The following ARHGAP42 variants were observed in gnomAD, a reference collection of about 807,000 sequenced individuals.
ARHGAP42 encodes Rho GTPase activating protein 42, also known as rho GTPase-activating protein 42.
Under a neutral mutation model 125.0 loss-of-function variants are expected in ARHGAP42, and 63 were observed. The observed-to-expected ratio is 0.50, with a 90% CI of 0.41 to 0.62. The LOEUF (loss-of-function observed/expected upper bound fraction) is 0.62, where lower values mean the gene tolerates loss of function less well. ARHGAP42 is among the 20% of genes least tolerant of loss of function. ARHGAP42 has a pLI of 0.00. For missense variants in ARHGAP42, 766 were observed against 1,024.2 expected, an observed-to-expected ratio of 0.75 and a Z score of 3.44; for synonymous variants, 339 against 351.0, an observed-to-expected ratio of 0.97 and a Z score of 0.38.
rs552385431 is a variant in ARHGAP42 at position 100,738,925 on chromosome 11, A to G, written c.155-31418A>G. On this transcript the variant is annotated intron_variant, in intron 1 of 23. Transcript: ENST00000298815. ...TTAATAGCATTCAAGCACAGAAGCA[A>G]TCAGGAGGCCACTCCTATTGGTAAA... Among the ~76,000 whole-genome samples the G allele has an allele frequency of 2.6e-4, 39 of 152,346 alleles. 1 individual carries two copies. Among genetic ancestry groups the G allele is most frequent in the South Asian group, 1.9e-3 (9 of 4,830 alleles).
intron 1 of ARHGAP42, among the ~76,000 whole-genome samples, chr11:100,757,673 T>A (rs1360357810): frequency 6.6e-6 from 1 of 152,194 alleles, no homozygotes; most frequent in Non-Finnish European, 1.5e-5. Context: ...TTTCAAAAAT[T>A]GCTTTAGTAT....
Position 100,915,255 on chromosome 11 carries a change from T to C in ARHGAP42, c.486+1702T>C, listed in dbSNP as rs746002181. Among the ~76,000 whole-genome samples, 6 of 152,182 alleles carry C rather than the reference T, an allele frequency of 3.9e-5. 1 individual carries two copies. Among genetic ancestry groups the C allele is most frequent in the Non-Finnish European group, 7.4e-5 (5 of 68,022 alleles). On this transcript the variant is annotated intron_variant, in intron 5 of 23. Transcript: ENST00000298815. Reference sequence around the variant, plus strand: ...CTATGTTTACATGTACCAAAATGTCTTAAGTGATATTAAGACCAAATGTCT... The same window carrying C: ...CTATGTTTACATGTACCAAAATGTCCTAAGTGATATTAAGACCAAATGTCT...
intron 1 of ARHGAP42, among the ~76,000 whole-genome samples, chr11:100,709,584 G>C (rs891653669): frequency 6.6e-6 from 1 of 152,176 alleles, no homozygotes; most frequent in Non-Finnish European, 1.5e-5. Context: ...GTGAGTAACT[G>C]AAATGGTGGA....
rs766919060 is a variant in ARHGAP42 at position 100,992,431 on chromosome 11, G to A, written c.*3630G>A. Reference sequence around the variant, plus strand: ...CCTTGACTAAAGGTTTCCCCTTAGGGTACACATTGCTATTTAACTTTGCCT... The same window carrying A: ...CCTTGACTAAAGGTTTCCCCTTAGGATACACATTGCTATTTAACTTTGCCT... On this transcript the variant is annotated 3_prime_UTR_variant, in exon 24 of 24. Transcript: ENST00000298815. 5 of 1,614,046 alleles carry A rather than the reference G, an allele frequency of 3.1e-6. No individual in the cohort carries two copies. The highest frequency in any genetic ancestry group is 3.4e-6 in the Non-Finnish European group (4 of 1,179,960).
Position 100,722,393 on chromosome 11 carries a change from CTT to C in ARHGAP42, c.154+34577_154+34578del, listed in dbSNP as rs199744764. ...GCAAAGTTTTAAAAAAAATTTATTA[CTT>C]TTTTTTTTTTTTTTTGAGACAGAGT... On this transcript the variant is annotated intron_variant, in intron 1 of 23. Coordinates refer to ENST00000298815, the MANE Select transcript of ARHGAP42 (RefSeq NM_152432.4). 6.7e-4 allele frequency among the ~76,000 whole-genome samples: 90 copies of C among 135,126 alleles called. 1 individual carries two copies. Among genetic ancestry groups the C allele is most frequent in the Middle Eastern group, 3.7e-3 (1 of 268 alleles). The allele number at this position is 135,126 out of a possible 152,430, so 88.6% of individuals were successfully genotyped here.
At chr11:100,802,426 T>TC (rs1863878295) in intron 3 of ARHGAP42, among the ~76,000 whole-genome samples, 2 of 131,582 alleles carry the variant, frequency 1.5e-5, no homozygotes, top group African/African-American at 5.9e-5. Flanking sequence ...CTTTCTTTCT[T>TC]TTTTTTTTTT....
At chr11:100,779,552 A>ATACATACGTATATATACGTATACG in intron 2 of ARHGAP42, among the ~76,000 whole-genome samples, 1 of 87,342 alleles carries the variant, frequency 1.1e-5, no homozygotes, top group Non-Finnish European at 2.3e-5. Flanking sequence ...ATATATATAC[A>ATACATACGTATATATACGTATACG]TATACATACG....
chr11:100,695,153 A>G (rs1288289425), intron 1 of ARHGAP42, among the ~76,000 whole-genome samples: 3 of 152,272 alleles, frequency 2.0e-5, no homozygotes, highest in African/African-American at 7.2e-5. Flanking sequence ...GTATAAGCGT[A>G]GCAACTTACA....
chr11:100,735,784 A>G (rs182450001), intron 1 of ARHGAP42, among the ~76,000 whole-genome samples: 31 of 151,440 alleles, frequency 2.0e-4, no homozygotes, highest in African/African-American at 7.5e-4. Flanking sequence ...AATTTTTTGC[A>G]TTTTTAGTAG....
chr11:100,729,398 G>C (rs1861917041), intron 1 of ARHGAP42, among the ~76,000 whole-genome samples: 1 of 152,062 alleles, frequency 6.6e-6, no homozygotes, highest in Non-Finnish European at 1.5e-5. Flanking sequence ...TAAAGCATAA[G>C]AAAACTGTGA....
intron 3 of ARHGAP42, among the ~76,000 whole-genome samples, chr11:100,814,624 C>T (rs764791089): frequency 1.1e-4 from 16 of 152,052 alleles, no homozygotes; most frequent in Admixed American, 9.2e-4. Context: ...ACAGTCATGG[C>T]GGAAGTGGAA....
intron 2 of ARHGAP42, among the ~76,000 whole-genome samples, chr11:100,783,264 C>T (rs1227753204): frequency 1.3e-5 from 2 of 152,072 alleles, no homozygotes; most frequent in African/African-American, 4.8e-5. Context: ...GGGGAAACTC[C>T]ATCTCTACTA....
chr11:100,928,035 A>G (rs562722027), intron 6 of ARHGAP42, among the ~76,000 whole-genome samples: 8 of 152,296 alleles, frequency 5.3e-5, no homozygotes, highest in Non-Finnish European at 8.8e-5. Flanking sequence ...CATTAGACTT[A>G]AAGCAATCTG....
chr11:100,881,813 A>G (rs1171108860), intron 4 of ARHGAP42, among the ~76,000 whole-genome samples: 1 of 151,324 alleles, frequency 6.6e-6, no homozygotes, highest in Non-Finnish European at 1.5e-5. Context: ...GTGTATTCCT[A>G]AGTTGTTTTG....
At chr11:100,887,675 C>G (rs954239238) in intron 4 of ARHGAP42, among the ~76,000 whole-genome samples, 22 of 152,154 alleles carry the variant, frequency 1.4e-4, no homozygotes, top group Non-Finnish European at 2.4e-4. Context: ...TCAGGATGAC[C>G]TTTTAACTCC....
Position 100,943,805 on chromosome 11 carries a change from G to C in ARHGAP42, c.980G>C (p.Cys327Ser). ...SSPEMFKLKSCIRRKTDSIDK... is the reference protein window; with the variant it reads ...SSPEMFKLKSSIRRKTDSIDK... ...CCGGAAATGTTTAAATTAAAATCTTGTATCCGACGAAAGACAGATTCAATT... is the reference window on the plus strand; with the variant it reads ...CCGGAAATGTTTAAATTAAAATCTTCTATCCGACGAAAGACAGATTCAATT... Residue 327 changes from cysteine to serine, a missense_variant, in exon 10 of 24, where the codon TGT becomes TCT. Coordinates refer to ENST00000298815, the MANE Select transcript of ARHGAP42 (RefSeq NM_152432.4). 1 of 1,549,642 alleles carries C rather than the reference G, an allele frequency of 6.5e-7. No homozygotes were observed. The highest frequency in any genetic ancestry group is 8.7e-7 in the Non-Finnish European group (1 of 1,145,786).
intron 4 of ARHGAP42, among the ~76,000 whole-genome samples, chr11:100,861,042 T>C (rs1287909375): frequency 6.6e-6 from 1 of 152,108 alleles, no homozygotes; most frequent in Non-Finnish European, 1.5e-5. Flanking sequence ...ATTACAAGTG[T>C]ATTGGGGATT....
At chr11:100,845,971 G>A (rs190661439) in intron 3 of ARHGAP42, among the ~76,000 whole-genome samples, 1 of 152,258 alleles carries the variant, frequency 6.6e-6, no homozygotes, top group East Asian at 1.9e-4. Flanking sequence ...TAAATGGCTA[G>A]GGATAGGTTA....
At chr11:100,883,677 A>G (rs1383482274) in intron 4 of ARHGAP42, among the ~76,000 whole-genome samples, 1 of 152,166 alleles carries the variant, frequency 6.6e-6, no homozygotes, top group Non-Finnish European at 1.5e-5. Flanking sequence ...TGTTATATAA[A>G]ATATCTGTTG....
Sources: gnomAD v4.1 joint callset for allele counts (sites outside exome capture counted in the v4.1 genomes callset) on GRCh38, gnomAD v4.1.1 for gene constraint, MANE v1.5 for transcripts, NCBI Gene and HGNC (gene_info 2026-07-23, HGNC 2026-07-21) for gene names.